Variants in RAD50 observed in about 807,000 individuals in gnomAD.
RAD50 encodes RAD50 double strand break repair protein, also known as DNA repair protein RAD50.
RAD50 carries 132 observed loss-of-function variants against 168.8 expected under a neutral mutation model. The observed-to-expected ratio is 0.78, with a 90% confidence interval of 0.68 to 0.90. The LOEUF is 0.90. Among genes scored for constraint, RAD50 ranks in the 40% least tolerant of loss-of-function variants. The pLI is 0.00. For synonymous variants in RAD50, 525 were observed against 497.4 expected, an observed-to-expected ratio of 1.06 and a Z score of -0.74; for missense variants, 1,347 against 1,534.4, an observed-to-expected ratio of 0.88 and a Z score of 2.04.
chr5:132,561,128 A>G (rs935980454), intron 2 of RAD50, among the ~76,000 whole-genome samples: 1 of 152,052 alleles, frequency 6.6e-6, no homozygotes, highest in African/African-American at 2.4e-5. Flanking sequence ...TTGTGACACT[A>G]TAATCTCATA....
chr5:132,640,631 A>G, intron 23 of RAD50, 41 bp from the exon 24 acceptor site: 1 of 1,613,902 alleles, frequency 6.2e-7, no homozygotes, highest in Non-Finnish European at 8.5e-7. Context: ...ATGAGATGAG[A>G]AGGTCTGTGC....
intron 2 of RAD50, among the ~76,000 whole-genome samples, chr5:132,571,721 AAAAT>A (rs146023532): frequency 0.04 from 6,142 of 152,194 alleles, 343 homozygotes; most frequent in African/African-American, 0.13. Context: ...CTGTCTCAAA[AAAAT>A]AAATAAAGGG....
rs1751782298 is a variant in RAD50, at chr5:132,643,555, C to T, written c.*1191C>T. 4.3e-6 allele frequency: 1 copy of T among 232,608 alleles called. No homozygotes were observed. Among genetic ancestry groups the T allele is most frequent in the Non-Finnish European group, 8.5e-6 (1 of 117,104 alleles). 14.4% of individuals were successfully genotyped at this position (232,608 alleles called of 1,614,324 possible). ...ACTGGGTCCAGAAGAGAATTAAGCC[C>T]TAAGGTCCTAAGGCATCTATCTGTG... On this transcript the variant is annotated 3_prime_UTR_variant, in exon 25 of 25. Transcript: ENST00000378823.
Position 132,612,320 on chromosome 5 carries a change from T to C in RAD50, c.3036+2924T>C, listed in dbSNP as rs111470414. On this transcript the variant is annotated intron_variant, in intron 19 of 24. Coordinates refer to ENST00000378823, the MANE Select transcript of RAD50 (RefSeq NM_005732.4). ...ATTAGGTAAATCCAGTGACAGCAGA[T>C]TAATGTTTCCAGGGGGCTAGAGGTG... Among the ~76,000 whole-genome samples, 287 of 152,286 alleles carry C rather than the reference T, an allele frequency of 1.9e-3. 5 individuals carry two copies. The South Asian group carries it at 0.019, about 10-fold the overall frequency.
At chr5:132,625,820 C>T (rs1444141878) in intron 21 of RAD50, among the ~76,000 whole-genome samples, 1 of 152,098 alleles carries the variant, frequency 6.6e-6, no homozygotes, top group East Asian at 1.9e-4. Context: ...ACATAATGTC[C>T]TTCAGTTCCA....
chr5:132,609,102 A>G lies in RAD50; in HGVS notation c.2830-15A>G. On this transcript the variant is annotated splice_polypyrimidine_tract_variant and intron_variant, in intron 17 of 24. Transcript: ENST00000378823. ...AAGTACAACCAGTGTAAATTTAATG[A>G]ATATTTTTCTACAGCTGAATGATAT... The G allele has an allele frequency of 1.9e-6, 3 of 1,609,778 alleles. No individual in the cohort carries two copies. The highest frequency in any genetic ancestry group is 1.7e-6 in the Non-Finnish European group (2 of 1,178,648).
rs1554096641 is a variant in RAD50, at chr5:132,557,386, A to T, written c.62A>T (p.Asp21Val). Residue 21 changes from aspartate to valine, a missense_variant, in exon 1 of 25, where the codon GAT becomes GTT. Physicochemically the swap from Asp to Val is radical, Grantham distance 152. This residue lies in a region of RAD50 where 703 missense variants were observed against 767.7 expected (regional missense o/e 0.92). Coordinates refer to ENST00000378823, the MANE Select transcript of RAD50 (RefSeq NM_005732.4). ...GVRSFGIEDKDKQIITFFSPL... is the reference protein window; with the variant it reads ...GVRSFGIEDKVKQIITFFSPL... ...CGGAGTTTTGGAATAGAGGACAAAG[A>T]TAAGCAAATTATCACTTTCTTCAGC... The T allele has an allele frequency of 6.2e-7, 1 of 1,613,978 alleles. No homozygotes were observed. Among genetic ancestry groups the T allele is most frequent in the South Asian group, 1.1e-5 (1 of 91,090 alleles).
intron 3 of RAD50, among the ~76,000 whole-genome samples, chr5:132,577,237 GTTC>G (rs779442135): frequency 1.3e-4 from 20 of 152,168 alleles, no homozygotes; most frequent in Non-Finnish European, 2.6e-4. Flanking sequence ...AGTGGGCAGA[GTTC>G]TTCTCATATC....
chr5:132,618,045 C>A (rs753554908), intron 20 of RAD50, 25 bp from the exon 21 acceptor site: 7 of 1,592,860 alleles, frequency 4.4e-6, no homozygotes, highest in Non-Finnish European at 6.0e-6. Flanking sequence ...AAATGGTCCT[C>A]ATTTGTCATT....
At chr5:132,580,176 G>A (rs191288393) in intron 5 of RAD50, 110 bp downstream of exon 5, 40 of 894,910 alleles carry the variant, frequency 4.5e-5, no homozygotes, top group African/African-American at 3.6e-4. Context: ...GCTATTTAAC[G>A]TTCATTACTT....
chr5:132,595,873 T>G (rs548928516), intron 13 of RAD50, 63 bp downstream of exon 13: 1 of 1,450,800 alleles, frequency 6.9e-7, no homozygotes, highest in South Asian at 1.1e-5. Flanking sequence ...ACCCATCTCA[T>G]GCCTGGGCAG....
intron 16 of RAD50, among the ~76,000 whole-genome samples, chr5:132,606,623 G>A (rs902089073): frequency 3.3e-5 from 5 of 152,088 alleles, no homozygotes; most frequent in Non-Finnish European, 1.5e-5. Flanking sequence ...ATTTTATAAG[G>A]CCAGCATCAT....
chr5:132,578,531 T>C (rs1353757502), intron 3 of RAD50, among the ~76,000 whole-genome samples: 1 of 142,630 alleles, frequency 7.0e-6, no homozygotes, highest in African/African-American at 2.6e-5. Context: ...TTTCTTTTTT[T>C]TTTTTTTTTT....
chr5:132,608,547 G>C, intron 16 of RAD50, 68 bp from the exon 17 acceptor site: 1 of 1,350,868 alleles, frequency 7.4e-7, no homozygotes, highest in South Asian at 1.4e-5. Context: ...TATTAAGACT[G>C]TGAAGTCTGA....
chr5:132,628,302 T>C (rs1051911815), intron 21 of RAD50, among the ~76,000 whole-genome samples: 2 of 152,184 alleles, frequency 1.3e-5, no homozygotes, highest in African/African-American at 4.8e-5. Flanking sequence ...CCACCACTAG[T>C]TATGTTTGCA....
intron 17 of RAD50, among the ~76,000 whole-genome samples, 194 bp from the exon 18 acceptor site, chr5:132,608,923 A>G (rs968749143): frequency 6.6e-6 from 1 of 152,204 alleles, no homozygotes; most frequent in African/African-American, 2.4e-5. Flanking sequence ...CTTGATCTAC[A>G]ATAGAAGTTA....
At chr5:132,583,515 C>CA (rs1376597403) in intron 5 of RAD50, among the ~76,000 whole-genome samples, 1 of 152,076 alleles carries the variant, frequency 6.6e-6, no homozygotes, top group Non-Finnish European at 1.5e-5. Flanking sequence ...AAAGTTCTCT[C>CA]AAAGTCCTTG....
chr5:132,630,566 C>G (rs905942653), intron 21 of RAD50: 1 of 152,212 alleles, frequency 6.6e-6, no homozygotes, highest in South Asian at 2.1e-4. Flanking sequence ...GGGTAGATTA[C>G]AAAACCCAAA....
In RAD50 at chr5:132,609,487, C is replaced by A. The variant is rs772304729; in HGVS notation, c.3036+91C>A. The A allele has an allele frequency of 2.9e-4, 448 of 1,547,340 alleles. 1 individual carries two copies. The highest frequency in any genetic ancestry group is 7.5e-4 in the Middle Eastern group (4 of 5,342). On this transcript the variant is annotated intron_variant, in intron 19 of 24. Transcript: ENST00000378823. ...ATAGAAGATCCATTGAATAGAAATG[C>A]AAAAAGGAAAGAGGCCAAGCGTGGT... is the stretch of plus-strand genomic sequence containing the variant.
Sources: gnomAD v4.1 joint callset for allele counts (sites outside exome capture counted in the v4.1 genomes callset) on GRCh38, gnomAD v4.1.1 for gene constraint, gnomAD v4.1.1 regional missense constraint, MANE v1.5 for transcripts, NCBI Gene and HGNC (gene_info 2026-07-23, HGNC 2026-07-21) for gene names.